Variants in TRPM3 observed in about 807,000 individuals in gnomAD.
The protein encoded by TRPM3 is long transient receptor potential channel 3.
In TRPM3, 77 loss-of-function variants were observed where a neutral mutation model predicts 181.2. The ratio of observed to expected loss-of-function variants is 0.42; its 90% CI spans 0.35 to 0.51. The LOEUF is 0.51. Ranked by LOEUF, TRPM3 falls within the 20% of genes least tolerant of loss-of-function variation. The pLI, the probability that TRPM3 is intolerant of heterozygous loss-of-function variation, is 0.01. For synonymous variants in TRPM3, 745 were observed against 796.4 expected, an observed-to-expected ratio of 0.94 and a Z score of 1.09; for missense variants, 1,759 against 2,196.7, an observed-to-expected ratio of 0.80 and a Z score of 3.98.
chr9:70,555,753 G>C (rs781510332), intron 22 of TRPM3, among the ~76,000 whole-genome samples: 1 of 152,092 alleles, frequency 6.6e-6, no homozygotes, highest in East Asian at 1.9e-4. Flanking sequence ...GAAGCTTCTC[G>C]CACCTACTCT....
chr9:71,032,001 T>TAA lies in TRPM3; in HGVS notation c.177+89176_177+89177insTT, dbSNP rs375322902. ...ATATATATATATTATATATATATAATTATATAATATATAATATATATATAT... is the reference window on the plus strand; with the variant it reads ...ATATATATATATTATATATATATAATAATATATAATATATAATATATATATAT... On this transcript the variant is annotated intron_variant, in intron 1 of 25. Transcript: ENST00000677713. Among the ~76,000 whole-genome samples the TAA allele has an allele frequency of 7.5e-3, 396 of 52,788 alleles. 5 individuals are homozygous for TAA. Among genetic ancestry groups the TAA allele is most frequent in the Non-Finnish European group, 0.012 (306 of 24,510 alleles). 34.6% of individuals were successfully genotyped at this position (52,788 alleles called of 152,430 possible). A position where few individuals can be genotyped will look rare whatever the true frequency, so the allele number is the denominator to read the frequency against.
rs1375620844 is a variant in TRPM3, at chr9:70,549,641, A to T, written c.3608T>A (p.Val1203Glu). Residue 1203 changes from valine (V) to glutamate (E), a missense_variant, in exon 25 of 26, where the codon GTA (valine) becomes GAA (glutamate). Around this residue, in one of 8 missense-constraint regions of TRPM3, gnomAD observed 96 missense variants for 129.6 expected, o/e 0.74. Coordinates refer to ENST00000677713, the MANE Select transcript of TRPM3 (RefSeq NM_001366145.2). ...LFITDDELKK[V>E]HDFEEQCIEE... is the part of the protein sequence containing the mutation. Reference sequence around the variant, plus strand: ...TATGCATTGCTCTTCAAAGTCATGTACTTTCTTGAGCTCATCATCGGTTAT... The same window carrying T: ...TATGCATTGCTCTTCAAAGTCATGTTCTTTCTTGAGCTCATCATCGGTTAT... 1 of 1,611,604 alleles carries T rather than the reference A, an allele frequency of 6.2e-7. No individual in the cohort carries two copies. The highest frequency in any genetic ancestry group is 2.2e-5 in the East Asian group (1 of 44,858).
chr9:70,847,764 G>T (rs2095041217), intron 3 of TRPM3, among the ~76,000 whole-genome samples: 1 of 152,258 alleles, frequency 6.6e-6, no homozygotes. Flanking sequence ...GATTATTTTT[G>T]AACACAATCA....
intron 1 of TRPM3, among the ~76,000 whole-genome samples, chr9:71,134,757 A>T (rs1430558030): frequency 6.6e-6 from 1 of 152,280 alleles, no homozygotes; most frequent in African/African-American, 2.4e-5. Context: ...GTTACTGAAG[A>T]AATGTAACAT....
chr9:71,439,546 GA>G (rs1248513544), intron 1 of TRPM3, among the ~76,000 whole-genome samples: 1 of 152,162 alleles, frequency 6.6e-6, no homozygotes, highest in African/African-American at 2.4e-5. Context: ...TGTCTAATTT[GA>G]ATGTTAATAC....
chr9:71,297,246 C>T (rs2086361174), intron 1 of TRPM3, among the ~76,000 whole-genome samples: 1 of 152,048 alleles, frequency 6.6e-6, no homozygotes, highest in Non-Finnish European at 1.5e-5. Flanking sequence ...TCTTCAGTAA[C>T]AATAGTGGTA....
intron 1 of TRPM3, among the ~76,000 whole-genome samples, chr9:71,120,558 TATGTTTAACA>T (rs2073404456): frequency 1.3e-5 from 2 of 152,194 alleles, no homozygotes; most frequent in Admixed American, 1.3e-4. Context: ...ACATTCAATA[TATGTTTAACA>T]ATACTTTCCC....
intron 1 of TRPM3, among the ~76,000 whole-genome samples, chr9:71,223,479 A>T (rs1295557081): frequency 6.6e-6 from 1 of 152,224 alleles, no homozygotes; most frequent in Non-Finnish European, 1.5e-5. Context: ...GTGTATTTAC[A>T]ACTGTGGTAG....
chr9:71,167,753 C>A (rs1402391433), intron 1 of TRPM3, among the ~76,000 whole-genome samples: 1 of 152,034 alleles, frequency 6.6e-6, no homozygotes, highest in African/African-American at 2.4e-5. Flanking sequence ...GAGGTTTGCC[C>A]AGACTTTCCT....
At chr9:71,118,831 G>T (rs2073011806) in intron 1 of TRPM3, among the ~76,000 whole-genome samples, 3 of 152,062 alleles carry the variant, frequency 2.0e-5, no homozygotes, top group Admixed American at 2.0e-4. Context: ...AGGGAGGGAG[G>T]AGAAAGAAAG....
chr9:70,556,697 T>C (rs4445289), intron 22 of TRPM3, among the ~76,000 whole-genome samples: 35,346 of 151,924 alleles, frequency 0.23, 4,766 homozygotes, highest in Admixed American at 0.31. Context: ...ACTCTAGCCT[T>C]GGTGACACAG....
chr9:71,327,408 A>T (rs948504696), intron 1 of TRPM3, among the ~76,000 whole-genome samples: 10 of 152,138 alleles, frequency 6.6e-5, no homozygotes, highest in African/African-American at 2.4e-4. Context: ...TCTCCCCAAG[A>T]AATGTCCCCT....
intron 1 of TRPM3, among the ~76,000 whole-genome samples, chr9:71,291,664 T>C (rs565314185): frequency 6.6e-6 from 1 of 152,226 alleles, no homozygotes; most frequent in African/African-American, 2.4e-5. Context: ...TTTTCAAATG[T>C]ATATGACCCT....
intron 1 of TRPM3, among the ~76,000 whole-genome samples, chr9:71,176,851 C>T (rs921861430): frequency 2.0e-5 from 3 of 151,998 alleles, no homozygotes; most frequent in African/African-American, 7.3e-5. Context: ...CCTACAGTAC[C>T]CAGTACTGTA....
At chr9:71,130,919 TTTAA>T (rs1469858262) in intron 1 of TRPM3, among the ~76,000 whole-genome samples, 1 of 152,222 alleles carries the variant, frequency 6.6e-6, no homozygotes, top group Non-Finnish European at 1.5e-5. Context: ...TTCTTTGTAC[TTTAA>T]TTAAATTCTT....
rs138856820 is a variant in TRPM3, at chr9:70,625,278, G to C, written c.1722C>G (p.Ile574Met). The change falls in exon 14 of 26, where the codon ATC (isoleucine) becomes ATG (methionine). Residue 574 changes from isoleucine to methionine, a missense_variant. By Grantham distance (10) the Ile-to-Met change is conservative. Transcript: ENST00000677713. The surrounding 1 kb of genome is among the most constrained non-coding windows in gnomAD (Gnocchi z 4.8). ...GATAAGCCCCGCCCATCAGGTACTC[G>C]ATCACCAGGCCGATGTCAATCAGGC... Reference protein sequence around the residue: ...RISLIDIGLVIEYLMGGAYRC... With the variant: ...RISLIDIGLVMEYLMGGAYRC... 49 of 1,614,034 alleles carry C rather than the reference G, an allele frequency of 3.0e-5. No homozygotes were observed. In the South Asian group the frequency reaches 4.9e-4, roughly 16 times the overall value.
At chr9:71,151,808 G>A (rs1454608790) in intron 1 of TRPM3, among the ~76,000 whole-genome samples, 1 of 152,040 alleles carries the variant, frequency 6.6e-6, no homozygotes, top group Non-Finnish European at 1.5e-5. Flanking sequence ...GTGCTAATAT[G>A]GAATGAGCTC....
intron 1 of TRPM3, among the ~76,000 whole-genome samples, chr9:71,316,409 T>C (rs1331971957): frequency 6.6e-6 from 1 of 152,168 alleles, no homozygotes; most frequent in Non-Finnish European, 1.5e-5. Flanking sequence ...CCTTGGAACA[T>C]GTGAATATGT....
At chr9:70,879,560 C>T (rs1470913043) in intron 1 of TRPM3, among the ~76,000 whole-genome samples, 1 of 152,046 alleles carries the variant, frequency 6.6e-6, no homozygotes, top group Non-Finnish European at 1.5e-5. Flanking sequence ...TTCTCTAACT[C>T]ATTTAGGGCA....
Sources: allele counts gnomAD v4.1 joint callset (sites outside exome capture counted in the v4.1 genomes callset), GRCh38; gene constraint gnomAD v4.1.1; regional missense constraint gnomAD v4.1.1; non-coding constraint Gnocchi (gnomAD v3.1); transcripts MANE v1.5; gene names NCBI Gene and HGNC (gene_info 2026-07-23, HGNC 2026-07-21).